Variants in ANKS1B observed in about 807,000 individuals in gnomAD.
ANKS1B encodes the protein ankyrin repeat and sterile alpha motif domain containing 1B.
A neutral mutation model predicts 148.3 loss-of-function variants in ANKS1B; 36 were observed. The observed-to-expected ratio is 0.24, with a 90% CI of 0.19 to 0.32. ANKS1B has a LOEUF of 0.32. Ranked by LOEUF, ANKS1B falls within the 10% of genes least tolerant of loss-of-function variation. The probability of loss-of-function intolerance (pLI) is 1.00; values close to 1 mark genes in which losing one functional copy is unlikely to be tolerated. For missense variants in ANKS1B, 1,157 were observed against 1,542.6 expected, an observed-to-expected ratio of 0.75 and a Z score of 4.19; for synonymous variants, 542 against 560.8, an observed-to-expected ratio of 0.97 and a Z score of 0.47.
chr12:99,282,609 C>A (rs936481179), intron 12 of ANKS1B, among the ~76,000 whole-genome samples: 6 of 152,062 alleles, frequency 3.9e-5, no homozygotes. Flanking sequence ...AGGTATGCAG[C>A]TAGTGAGAAG....
chr12:99,186,957 T>C (rs1425673672), intron 14 of ANKS1B, among the ~76,000 whole-genome samples: 1 of 148,886 alleles, frequency 6.7e-6, no homozygotes, highest in African/African-American at 2.5e-5. Context: ...CTAAATGAAT[T>C]GCTAACTAGA....
intron 17 of ANKS1B, among the ~76,000 whole-genome samples, chr12:98,985,676 A>ATC (rs1220110089): frequency 6.6e-6 from 1 of 152,060 alleles, no homozygotes; most frequent in African/African-American, 2.4e-5. Flanking sequence ...TTTGAATGAT[A>ATC]CTATTGTCTT....
intron 17 of ANKS1B, among the ~76,000 whole-genome samples, chr12:98,924,656 A>G (rs1356702317): frequency 6.6e-6 from 1 of 152,152 alleles, no homozygotes; most frequent in African/African-American, 2.4e-5. Context: ...TTTCGGGGTG[A>G]TGCAATCCCT....
In ANKS1B at chr12:98,942,317, T is replaced by C. The variant is rs1351628267; in HGVS notation, c.2779-110181A>G. On this transcript the variant is annotated intron_variant, in intron 17 of 26. Coordinates refer to ENST00000683438, the MANE Select transcript of ANKS1B (RefSeq NM_001352186.2). ...TGAATTCTCTCTTATATGACTTTTGTGAATGGCCAAAGTATCATTCTGTAG... is the reference window on the plus strand; with the variant it reads ...TGAATTCTCTCTTATATGACTTTTGCGAATGGCCAAAGTATCATTCTGTAG... Among the ~76,000 whole-genome samples the C allele has an allele frequency of 3.3e-5, 5 of 152,222 alleles. No homozygotes were observed. The East Asian group carries it at 9.7e-4, about 29-fold the overall frequency.
intron 10 of ANKS1B, among the ~76,000 whole-genome samples, chr12:99,501,555 C>A (rs2096655981): frequency 6.6e-6 from 1 of 152,120 alleles, no homozygotes; most frequent in African/African-American, 2.4e-5. Flanking sequence ...GTTCTGCTCA[C>A]AAAAAATCAT....
At chr12:99,851,755 C>T (rs2087888178) in intron 1 of ANKS1B, among the ~76,000 whole-genome samples, 2 of 152,092 alleles carry the variant, frequency 1.3e-5, no homozygotes, top group Non-Finnish European at 2.9e-5. Flanking sequence ...TAATACTTCA[C>T]TACCAGTCAC....
intron 15 of ANKS1B, among the ~76,000 whole-genome samples, chr12:99,090,234 T>G (rs1001337608): frequency 3.3e-5 from 5 of 152,220 alleles, no homozygotes; most frequent in Non-Finnish European, 5.9e-5. Flanking sequence ...CTGATGGCTC[T>G]GTCTCTCCAA....
chr12:99,013,108 G>T (rs1046511848), intron 17 of ANKS1B, among the ~76,000 whole-genome samples: 4 of 152,178 alleles, frequency 2.6e-5, no homozygotes, highest in African/African-American at 9.6e-5. Context: ...CCATCCTGGG[G>T]CTTACAGAAA....
intron 8 of ANKS1B, among the ~76,000 whole-genome samples, chr12:99,680,148 TAGA>T (rs1380189621): frequency 3.9e-5 from 6 of 152,060 alleles, no homozygotes; most frequent in Admixed American, 3.9e-4. Flanking sequence ...AATACAAAAG[TAGA>T]AGAAGCAGGC....
intron 17 of ANKS1B, among the ~76,000 whole-genome samples, chr12:99,049,322 A>G (rs146124599): frequency 6.6e-6 from 1 of 151,866 alleles, no homozygotes; most frequent in Non-Finnish European, 1.5e-5. Context: ...ACACACACAC[A>G]CCCACACACT....
chr12:99,981,893 A>G (rs576694857), intron 1 of ANKS1B, among the ~76,000 whole-genome samples: 2 of 152,250 alleles, frequency 1.3e-5, no homozygotes, highest in Admixed American at 1.3e-4. Context: ...AAGTGTCATT[A>G]TGTTTGACGG....
At chr12:99,711,171 G>T (rs2056582195) in intron 8 of ANKS1B, among the ~76,000 whole-genome samples, 2 of 152,092 alleles carry the variant, frequency 1.3e-5, no homozygotes. Context: ...AAACTGGAAT[G>T]CAAGGTGCTA....
chr12:99,049,320 A>G (rs2099964441), intron 17 of ANKS1B, among the ~76,000 whole-genome samples: 1 of 152,050 alleles, frequency 6.6e-6, no homozygotes. Context: ...ACACACACAC[A>G]CACCCACACA....
At chr12:99,305,841 T>G (rs965086297) in intron 12 of ANKS1B, among the ~76,000 whole-genome samples, 3 of 152,154 alleles carry the variant, frequency 2.0e-5, no homozygotes, top group African/African-American at 4.8e-5. Context: ...CATACAATAT[T>G]CAGACTCCAG....
chr12:99,588,006 T>C (rs879649539), intron 9 of ANKS1B, among the ~76,000 whole-genome samples: 1 of 152,122 alleles, frequency 6.6e-6, no homozygotes, highest in Non-Finnish European at 1.5e-5. Context: ...ACGAGTTACA[T>C]TGAGTCAGAT....
intron 12 of ANKS1B, among the ~76,000 whole-genome samples, chr12:99,337,896 G>T (rs148447568): frequency 6.6e-6 from 1 of 152,312 alleles, no homozygotes; most frequent in Non-Finnish European, 1.5e-5. Context: ...GTGCTGAGCT[G>T]CCTGGAGATA....
chr12:99,104,973 G>T (rs1412848238), intron 15 of ANKS1B: 1 of 152,162 alleles, frequency 6.6e-6, no homozygotes, highest in African/African-American at 2.4e-5. Flanking sequence ...CACAGCACCT[G>T]GCATACAGTA....
chr12:99,035,725 A>G (rs1452602132), intron 17 of ANKS1B, among the ~76,000 whole-genome samples: 1 of 152,206 alleles, frequency 6.6e-6, no homozygotes, highest in Admixed American at 6.5e-5. Context: ...GGCAGAGGGA[A>G]GAGCAACTGT....
At chr12:98,756,744 T>G (rs142367954) in intron 25 of ANKS1B, among the ~76,000 whole-genome samples, 5,134 of 149,438 alleles carry the variant, frequency 0.034, 157 homozygotes, top group East Asian at 0.13. Context: ...TTTTTTTTTT[T>G]GAGATGGAGT....
Sources: gnomAD v4.1 joint callset for allele counts (sites outside exome capture counted in the v4.1 genomes callset) on GRCh38, gnomAD v4.1.1 for gene constraint, MANE v1.5 for transcripts, NCBI Gene and HGNC (gene_info 2026-07-23, HGNC 2026-07-21) for gene names.